NUP160: variants seen among roughly 807,000 people sequenced by gnomAD.
The protein encoded by NUP160 is nuclear pore complex protein Nup160.
NUP160 carries 94 observed loss-of-function variants against 196.9 expected under a neutral mutation model. The ratio of observed to expected loss-of-function variants is 0.48; its 90% CI spans 0.40 to 0.57. The LOEUF is 0.57. NUP160 is among the 20% of genes least tolerant of loss of function. The pLI is 0.00. For synonymous variants in NUP160, 605 were observed against 619.7 expected (o/e 0.98, Z 0.35); for missense variants, 1,638 against 1,748.3 (o/e 0.94, Z 1.13).
Position 47,786,560 on chromosome 11 carries a change from ATGAAAATGGTTCCACACT to A in NUP160, c.3747-24_3747-7del. ...CAAATTGCAATTTGATGCATCTGGA[ATGAAAATGGTTCCACACT>A]TGAAAACTGAACGCTGAAACGTACC... On this transcript the variant is annotated splice_region_variant and splice_polypyrimidine_tract_variant and intron_variant, in intron 31 of 35. Coordinates refer to ENST00000378460, the Ensembl canonical transcript of NUP160. The A allele has an allele frequency of 6.3e-7, 1 of 1,590,884 alleles. No individual in the cohort carries two copies. The highest frequency in any genetic ancestry group is 2.2e-5 in the East Asian group (1 of 44,730).
chr11:47,786,441 C>A lies in NUP160; in HGVS notation c.3848+12G>T, dbSNP rs1444362864. 2 of 1,582,202 alleles carry A rather than the reference C, an allele frequency of 1.3e-6. No individual in the cohort carries two copies. Among genetic ancestry groups the A allele is most frequent in the African/African-American group, 2.7e-5 (2 of 74,218 alleles). On this transcript the variant is annotated intron_variant, in intron 32 of 35. Transcript: ENST00000378460. ...AGGCAAAACTACCCAGGGTTGAACA[C>A]CAGGGTTGTACCTAGACTCCTTAGT... is the stretch of plus-strand genomic sequence containing the variant.
intron 12 of NUP160, 139 bp from the exon 13 acceptor site, chr11:47,815,788 T>C (rs1415725924): frequency 5.6e-6 from 5 of 890,128 alleles, no homozygotes; most frequent in Non-Finnish European, 8.7e-6. Flanking sequence ...CCATAGACTA[T>C]GCAAATGTGT....
chr11:47,806,073 CA>C, intron 20 of NUP160, 79 bp downstream of exon 20: 1 of 1,379,962 alleles, frequency 7.2e-7, no homozygotes, highest in Admixed American at 1.8e-5. Flanking sequence ...CTCCACCTCC[CA>C]AAGTGCTGGG....
At chr11:47,805,011 G>C (rs1254131767) in intron 20 of NUP160, among the ~76,000 whole-genome samples, 1 of 152,120 alleles carries the variant, frequency 6.6e-6, no homozygotes, top group Non-Finnish European at 1.5e-5. Flanking sequence ...TTTCATTCCT[G>C]GGTGTTCATT....
rs554298588 is a variant in NUP160 at position 47,794,461 on chromosome 11, C to A, written c.3290-1515G>T. Among the ~76,000 whole-genome samples the A allele has an allele frequency of 2.0e-5, 3 of 152,064 alleles. No homozygotes were observed. In the South Asian group the frequency reaches 6.2e-4, roughly 32 times the overall value. On this transcript the variant is annotated intron_variant, in intron 27 of 35. Transcript: ENST00000378460. Reference sequence around the variant, plus strand: ...CTGCACTCCAGCCTGGGCGACAGAGCGAGACTCCGTCTCAAAAACAAAAAC... The same window carrying A: ...CTGCACTCCAGCCTGGGCGACAGAGAGAGACTCCGTCTCAAAAACAAAAAC...
exon 8 of NUP160, chr11:47,822,099 C>G: frequency 6.2e-7 from 1 of 1,606,710 alleles, no homozygotes; most frequent in Non-Finnish European, 8.5e-7. Context: ...GAGAAGTGAA[C>G]AGTGAAGAAA....
chr11:47,792,260 TTATA>T (rs1419538567), intron 28 of NUP160: 1 of 370,490 alleles, frequency 2.7e-6, no homozygotes, highest in Admixed American at 4.6e-5. Context: ...GGCTCCAGAG[TTATA>T]TATAACAGAA....
intron 2 of NUP160, among the ~76,000 whole-genome samples, chr11:47,846,896 AC>A (rs1852411497): frequency 6.6e-6 from 1 of 151,994 alleles, no homozygotes; most frequent in Non-Finnish European, 1.5e-5. Flanking sequence ...AGGTTTTCCA[AC>A]CTTTGCTCCC....
intron 27 of NUP160, among the ~76,000 whole-genome samples, chr11:47,795,642 G>A (rs963217082): frequency 2.0e-5 from 3 of 152,000 alleles, no homozygotes; most frequent in African/African-American, 7.3e-5. Flanking sequence ...CTCACATTCC[G>A]TTCATTTTAG....
At chr11:47,838,834 T>G (rs993564031) in intron 4 of NUP160, among the ~76,000 whole-genome samples, 1 of 151,940 alleles carries the variant, frequency 6.6e-6, no homozygotes, top group African/African-American at 2.4e-5. Flanking sequence ...TGAAACCCTG[T>G]CTCTACTAAA....
intron 2 of NUP160, among the ~76,000 whole-genome samples, chr11:47,842,398 A>G (rs957978570): frequency 6.6e-6 from 1 of 152,168 alleles, no homozygotes; most frequent in African/African-American, 2.4e-5. Flanking sequence ...TCATCTCTGA[A>G]TAATTCCTTC....
intron 7 of NUP160, among the ~76,000 whole-genome samples, chr11:47,824,046 T>TAC (rs1851919583): frequency 1.1e-5 from 1 of 94,610 alleles, no homozygotes; most frequent in Non-Finnish European, 2.3e-5. Flanking sequence ...TATATATATA[T>TAC]ATATATACAC....
intron 7 of NUP160, among the ~76,000 whole-genome samples, chr11:47,833,623 G>A (rs1852116440): frequency 6.6e-6 from 1 of 152,190 alleles, no homozygotes; most frequent in Non-Finnish European, 1.5e-5. Flanking sequence ...TCTTCTGAGT[G>A]ATCACCAATG....
At chr11:47,791,433 G>C (rs2097667837) in intron 29 of NUP160, among the ~76,000 whole-genome samples, 1 of 152,162 alleles carries the variant, frequency 6.6e-6, no homozygotes. Flanking sequence ...TCTGCTTCCT[G>C]GATTCAAGCA....
At chr11:47,839,746 T>C (rs1852256868) in intron 4 of NUP160, 97 bp downstream of exon 4, 17 of 1,005,650 alleles carry the variant, frequency 1.7e-5, no homozygotes, top group South Asian at 1.3e-5. Flanking sequence ...TCCGGGGCAG[T>C]AGAGATGCAA....
At chr11:47,819,142 C>T (rs1369311987) in intron 10 of NUP160, among the ~76,000 whole-genome samples, 1 of 151,842 alleles carries the variant, frequency 6.6e-6, no homozygotes, top group Non-Finnish European at 1.5e-5. Flanking sequence ...GGTGAAACCC[C>T]GTCTCTACAA....
At chr11:47,846,402 T>C (rs1237839119) in intron 2 of NUP160, among the ~76,000 whole-genome samples, 3 of 152,236 alleles carry the variant, frequency 2.0e-5, no homozygotes, top group African/African-American at 7.2e-5. Context: ...TCAAATTTAC[T>C]ATGTCCAATA....
At chr11:47,826,272 C>T (rs752640779) in intron 7 of NUP160, among the ~76,000 whole-genome samples, 13 of 152,032 alleles carry the variant, frequency 8.6e-5, no homozygotes, top group South Asian at 6.2e-4. Context: ...CAGGCCCAGC[C>T]GAAGATCAGT....
intron 33 of NUP160, among the ~76,000 whole-genome samples, chr11:47,784,058 AAAAC>A (rs1565185546): frequency 3.7e-4 from 56 of 152,178 alleles, no homozygotes; most frequent in Middle Eastern, 3.4e-3. Flanking sequence ...CAAAACAAAA[AAAAC>A]CAAAAAAAAC....
Sources: allele counts gnomAD v4.1 joint callset (sites outside exome capture counted in the v4.1 genomes callset), GRCh38; gene constraint gnomAD v4.1.1; transcripts MANE v1.5; gene names NCBI Gene and HGNC (gene_info 2026-07-23, HGNC 2026-07-21).